SGSM1: variants seen among roughly 807,000 people sequenced by gnomAD.
The protein encoded by SGSM1 is small G protein signaling modulator 1.
A neutral mutation model predicts 133.8 loss-of-function variants in SGSM1; 73 were observed. That is an observed-to-expected ratio of 0.55 (90% CI 0.45 to 0.66). The LOEUF is 0.66. Among genes scored for constraint, SGSM1 ranks in the 30% least tolerant of loss-of-function variants. The pLI is 0.00. For missense variants in SGSM1, 1,213 were observed against 1,448.1 expected (o/e 0.84, Z 2.64); for synonymous variants, 563 against 573.0 (o/e 0.98, Z 0.25).
chr22:24,812,541 T>C (rs1037213360), intron 2 of SGSM1, among the ~76,000 whole-genome samples: 6 of 152,094 alleles, frequency 3.9e-5, no homozygotes, highest in African/African-American at 1.2e-4. Context: ...GCTTCAGGCA[T>C]GTGCAGGGGA....
At chr22:24,920,695 C>G (rs1933975843) in intron 24 of SGSM1, among the ~76,000 whole-genome samples, 2 of 152,244 alleles carry the variant, frequency 1.3e-5, no homozygotes, top group Middle Eastern at 3.4e-3. Flanking sequence ...AAGAAAAAAG[C>G]CAACTGTGAC....
chr22:24,839,898 T>G (rs1929685660), intron 2 of SGSM1, among the ~76,000 whole-genome samples: 1 of 151,870 alleles, frequency 6.6e-6, no homozygotes, highest in Non-Finnish European at 1.5e-5. Context: ...TAATGGTTTG[T>G]CAGTTTTGTC....
chr22:24,869,168 T>G (rs969641282), intron 12 of SGSM1, among the ~76,000 whole-genome samples: 3 of 152,092 alleles, frequency 2.0e-5, no homozygotes, highest in African/African-American at 7.2e-5. Context: ...ATCTGTAAAA[T>G]GGGCATGTTC....
intron 13 of SGSM1, among the ~76,000 whole-genome samples, chr22:24,877,243 A>G (rs140334148): frequency 0.012 from 1,756 of 152,302 alleles, 17 homozygotes; most frequent in African/African-American, 0.04. Context: ...ATTATTTAAC[A>G]ACAACCACAT....
chr22:24,896,360 A>G (rs1352076552), intron 18 of SGSM1, among the ~76,000 whole-genome samples: 4 of 152,308 alleles, frequency 2.6e-5, no homozygotes, highest in East Asian at 3.9e-4. Context: ...GTTTTTGAAA[A>G]CACAGAAACA....
intron 24 of SGSM1, among the ~76,000 whole-genome samples, chr22:24,923,156 A>G (rs925965697): frequency 6.6e-6 from 1 of 152,098 alleles, no homozygotes; most frequent in African/African-American, 2.4e-5. Context: ...AAAAAAAAGA[A>G]GAAAGTTATT....
At chr22:24,806,531 C>T (rs1275655009) in intron 2 of SGSM1, 47 bp downstream of exon 2, 2 of 1,485,880 alleles carry the variant, frequency 1.3e-6, no homozygotes, top group Admixed American at 2.6e-5. Flanking sequence ...CCGGCAGCAG[C>T]GGCCAAACGG....
At chr22:24,920,116 G>A (rs1055759369) in intron 24 of SGSM1, 123 bp downstream of exon 24, 18 of 1,028,856 alleles carry the variant, frequency 1.7e-5, no homozygotes, top group Non-Finnish European at 2.5e-5. Flanking sequence ...AGAGGGCTCT[G>A]CACACTTCTT....
intron 2 of SGSM1, among the ~76,000 whole-genome samples, chr22:24,808,115 GTT>G (rs532530317): frequency 6.1e-5 from 8 of 130,932 alleles, no homozygotes; most frequent in Admixed American, 7.6e-5. Flanking sequence ...TTTTCTTGGT[GTT>G]TTTTTTTTTT....
chr22:24,881,137 G>A (rs1418204505), intron 14 of SGSM1, among the ~76,000 whole-genome samples: 7 of 139,412 alleles, frequency 5.0e-5, no homozygotes, highest in Non-Finnish European at 9.1e-5. Context: ...AGGTTGCAGT[G>A]AGCCAAGATT....
At chr22:24,825,723 G>T (rs1928762288) in intron 2 of SGSM1, among the ~76,000 whole-genome samples, 1 of 152,188 alleles carries the variant, frequency 6.6e-6, no homozygotes, top group Non-Finnish European at 1.5e-5. Context: ...AGGCACTGTG[G>T]CGGGCCTGAG....
intron 16 of SGSM1, 92 bp from the exon 17 acceptor site, chr22:24,893,339 A>G: frequency 8.2e-6 from 11 of 1,336,832 alleles, no homozygotes; most frequent in Non-Finnish European, 1.1e-5. Flanking sequence ...TGAATGTTGG[A>G]TGGATCAGAG....
At chr22:24,826,902 G>A (rs1292913603) in intron 2 of SGSM1, among the ~76,000 whole-genome samples, 5 of 152,090 alleles carry the variant, frequency 3.3e-5, no homozygotes, top group East Asian at 1.9e-4. Flanking sequence ...TACCATCCCC[G>A]TTACACAGAT....
At chr22:24,833,310 C>T (rs1391831363) in intron 2 of SGSM1, among the ~76,000 whole-genome samples, 1 of 152,008 alleles carries the variant, frequency 6.6e-6, no homozygotes, top group South Asian at 2.1e-4. Flanking sequence ...AACTTAGTCA[C>T]CTCTGTCAAG....
intron 24 of SGSM1, among the ~76,000 whole-genome samples, chr22:24,923,502 A>G (rs1390141413): frequency 6.6e-6 from 1 of 151,628 alleles, no homozygotes; most frequent in East Asian, 1.9e-4. Flanking sequence ...TTCCTTCTCC[A>G]TCTTTCCTCC....
intron 15 of SGSM1, among the ~76,000 whole-genome samples, chr22:24,884,528 G>T (rs1465722936): frequency 6.6e-6 from 1 of 152,220 alleles, no homozygotes; most frequent in African/African-American, 2.4e-5. Flanking sequence ...AGGCTGAGGA[G>T]GGTGGATCAC....
chr22:24,814,394 G>A (rs1483622284), intron 2 of SGSM1, among the ~76,000 whole-genome samples: 2 of 151,894 alleles, frequency 1.3e-5, no homozygotes, highest in Admixed American at 6.6e-5. Context: ...TAAGGAAATC[G>A]AGGCACAGAG....
intron 18 of SGSM1, among the ~76,000 whole-genome samples, chr22:24,897,727 C>T (rs1311104388): frequency 1.3e-5 from 2 of 152,190 alleles, no homozygotes; most frequent in African/African-American, 2.4e-5. Context: ...CCTTGGCCTC[C>T]CAAAGTTCTG....
At chr22:24,852,944 C>A (rs1475541550) in intron 5 of SGSM1, among the ~76,000 whole-genome samples, 1 of 152,100 alleles carries the variant, frequency 6.6e-6, no homozygotes, top group Non-Finnish European at 1.5e-5. Context: ...CTGGCTCATA[C>A]GATATTCCAG....
Sources: gnomAD v4.1 joint callset for allele counts (sites outside exome capture counted in the v4.1 genomes callset) on GRCh38, gnomAD v4.1.1 for gene constraint, MANE v1.5 for transcripts, NCBI Gene and HGNC (gene_info 2026-07-23, HGNC 2026-07-21) for gene names.